CSMD2: variants seen among roughly 807,000 people sequenced by gnomAD.
The protein encoded by CSMD2 is CUB and sushi domain-containing protein 2.
CSMD2 carries 130 observed loss-of-function variants against 398.5 expected under a neutral mutation model. The observed-to-expected ratio is 0.33, with a 90% confidence interval of 0.28 to 0.38. The LOEUF is 0.38. CSMD2 is among the 10% of genes least tolerant of loss of function. The probability of loss-of-function intolerance (pLI) is 1.00; values close to 1 mark genes in which losing one functional copy is unlikely to be tolerated. For missense variants in CSMD2, 3,829 were observed against 4,764.9 expected, an observed-to-expected ratio of 0.80 and a Z score of 5.78; for synonymous variants, 1,828 against 1,908.5, an observed-to-expected ratio of 0.96 and a Z score of 1.10.
intron 1 of CSMD2, among the ~76,000 whole-genome samples, chr1:34,140,591 C>T (rs1011083366): frequency 6.6e-6 from 1 of 152,158 alleles, no homozygotes; most frequent in Non-Finnish European, 1.5e-5. Flanking sequence ...CATCTCACTG[C>T]ATTGTTACAA....
chr1:33,595,228 A>C (rs988863212), intron 44 of CSMD2, among the ~76,000 whole-genome samples: 2 of 152,092 alleles, frequency 1.3e-5, no homozygotes, highest in Non-Finnish European at 2.9e-5. Context: ...TGACCTTCAG[A>C]ACTTTTATAT....
rs1476519959 is a variant in CSMD2 at position 33,714,687 on chromosome 1, G to T, written c.3306C>A (p.Thr1102=). Residue 1102 remains threonine, a synonymous_variant, in exon 21 of 71, where the codon ACC becomes ACA. Transcript: ENST00000373381. ...GACGGTACCCGGGGAAGCAGGAGAA[G>T]GTCAAGGTGTCGCCCACGCCAAACT... is the stretch of plus-strand genomic sequence containing the variant. The part of the protein sequence containing the change: ...GLQFGVGDTL[T]FSCFPGYRLE... 1.9e-6 allele frequency: 3 copies of T among 1,613,960 alleles called. No homozygotes were observed. Among genetic ancestry groups the T allele is most frequent in the Non-Finnish European group, 2.5e-6 (3 of 1,180,052 alleles).
chr1:34,126,291 C>T (rs1002254438), intron 1 of CSMD2, among the ~76,000 whole-genome samples: 5 of 152,206 alleles, frequency 3.3e-5, no homozygotes, highest in Admixed American at 1.3e-4. Context: ...AAAATAAAGC[C>T]GAGCTCTTCC....
chr1:33,708,411 G>A (rs1645874930), intron 22 of CSMD2, among the ~76,000 whole-genome samples: 1 of 151,488 alleles, frequency 6.6e-6, no homozygotes, highest in Admixed American at 6.6e-5. Context: ...ATAAATACAT[G>A]GACACCGATT....
intron 5 of CSMD2, chr1:33,870,427 T>C (rs1002479017): frequency 6.6e-6 from 1 of 152,148 alleles, no homozygotes; most frequent in Non-Finnish European, 1.5e-5. Flanking sequence ...CCCTTCAGGT[T>C]GGCCCTGACC....
At chr1:33,888,455 T>C (rs907542942) in intron 5 of CSMD2, among the ~76,000 whole-genome samples, 10 of 152,150 alleles carry the variant, frequency 6.6e-5, no homozygotes, top group Non-Finnish European at 1.0e-4. Context: ...AGTCCAGTTG[T>C]AGAACCATGA....
At chr1:34,020,421 C>T (rs923635792) in intron 3 of CSMD2, among the ~76,000 whole-genome samples, 1 of 152,200 alleles carries the variant, frequency 6.6e-6, no homozygotes. Flanking sequence ...AGCTGGGAAG[C>T]AAAGCCACTG....
chr1:33,605,201 G>A lies in CSMD2; in HGVS notation c.6532+81C>T, dbSNP rs1640507136. 36 of 1,316,410 alleles carry A rather than the reference G, an allele frequency of 2.7e-5. No homozygotes were observed. In the South Asian group the frequency reaches 4.5e-4, roughly 17 times the overall value. The allele number at this position is 1,316,410 out of a possible 1,614,324, so 81.5% of individuals were successfully genotyped here. On this transcript the variant is annotated intron_variant, in intron 42 of 70. Coordinates refer to ENST00000373381, the MANE Select transcript of CSMD2 (RefSeq NM_001281956.2). ...CAGCCCTGGAGATCCCACAGAGCAG[G>A]TAGGTGGAACATGGGATTGCTCTGG...
At chr1:34,150,785 T>C (rs1025549566) in intron 1 of CSMD2, among the ~76,000 whole-genome samples, 6 of 151,992 alleles carry the variant, frequency 3.9e-5, no homozygotes, top group African/African-American at 1.4e-4. Context: ...CCAAGGGTGG[T>C]GGCATGTGCC....
intron 10 of CSMD2, among the ~76,000 whole-genome samples, chr1:33,804,547 T>C (rs1323025451): frequency 6.6e-6 from 1 of 150,584 alleles, no homozygotes; most frequent in East Asian, 1.9e-4. Flanking sequence ...AGGACTTACC[T>C]GCACTCTTTT....
At chr1:33,813,674 C>T (rs915234751) in intron 9 of CSMD2, among the ~76,000 whole-genome samples, 1 of 152,116 alleles carries the variant, frequency 6.6e-6, no homozygotes, top group Non-Finnish European at 1.5e-5. Flanking sequence ...GGACCCACAG[C>T]CAGTTCTGAC....
At chr1:33,680,148 CTTT>C (rs34735969) in intron 25 of CSMD2, among the ~76,000 whole-genome samples, 6,713 of 88,552 alleles carry the variant, frequency 0.076, 229 homozygotes, top group African/African-American at 0.1. Flanking sequence ...ATGGCCTCGC[CTTT>C]TTTTTTTTTT....
Position 33,537,813 on chromosome 1 carries a change from T to G in CSMD2, c.9632-204A>C, listed in dbSNP as rs1322524577. Among the ~76,000 whole-genome samples, 3 of 152,214 alleles carry G rather than the reference T, an allele frequency of 2.0e-5. No individual in the cohort carries two copies. Among genetic ancestry groups the G allele is most frequent in the African/African-American group, 4.8e-5 (2 of 41,448 alleles). Reference sequence around the variant, plus strand: ...CTTCCTCTCCCTTCTACATTCAAAGTGCCTATTAATAATGATCCAAGTAAT... The same window carrying G: ...CTTCCTCTCCCTTCTACATTCAAAGGGCCTATTAATAATGATCCAAGTAAT... On this transcript the variant is annotated intron_variant, in intron 60 of 70. Transcript: ENST00000373381. The surrounding 1 kb of genome is among the most constrained non-coding windows in gnomAD (Gnocchi z 4.6).
At chr1:34,085,286 C>T (rs532928656) in intron 2 of CSMD2, among the ~76,000 whole-genome samples, 2 of 151,974 alleles carry the variant, frequency 1.3e-5, no homozygotes, top group East Asian at 1.9e-4. Flanking sequence ...TGCTAAATGA[C>T]GAGTTAATGG....
At chr1:33,735,659 C>T (rs1557813170) in intron 15 of CSMD2, among the ~76,000 whole-genome samples, 1 of 152,184 alleles carries the variant, frequency 6.6e-6, no homozygotes, top group African/African-American at 2.4e-5. Flanking sequence ...GCTTTAGATC[C>T]TCCAGATAAT....
At chr1:34,083,779 C>G (rs1260162128) in intron 2 of CSMD2, among the ~76,000 whole-genome samples, 1 of 151,956 alleles carries the variant, frequency 6.6e-6, no homozygotes, top group Non-Finnish European at 1.5e-5. Context: ...ATTAGCCAGG[C>G]GTGGGGGCTC....
intron 3 of CSMD2, among the ~76,000 whole-genome samples, chr1:33,944,643 C>T (rs144198675): frequency 2.3e-4 from 35 of 152,284 alleles, no homozygotes; most frequent in Admixed American, 7.8e-4. Context: ...ATAATAGTCA[C>T]GGCTTGAGTG....
intron 3 of CSMD2, among the ~76,000 whole-genome samples, chr1:33,967,241 G>A (rs919967966): frequency 7.0e-6 from 1 of 143,830 alleles, no homozygotes; most frequent in Admixed American, 6.9e-5. Context: ...TTTTTCTTAA[G>A]TACACACTTC....
chr1:33,971,214 G>A (rs1645751237), intron 3 of CSMD2, among the ~76,000 whole-genome samples: 1 of 152,214 alleles, frequency 6.6e-6, no homozygotes, highest in African/African-American at 2.4e-5. Context: ...TTAACATGCT[G>A]CAGATGAACA....
Sources: gnomAD v4.1 joint callset for allele counts (sites outside exome capture counted in the v4.1 genomes callset) on GRCh38, gnomAD v4.1.1 for gene constraint, Gnocchi (gnomAD v3.1) non-coding constraint, MANE v1.5 for transcripts, NCBI Gene and HGNC (gene_info 2026-07-23, HGNC 2026-07-21) for gene names.